Variants in CDC14B observed in about 807,000 individuals in gnomAD.
CDC14B encodes the protein cell division cycle 14B.
In CDC14B, 22 loss-of-function variants were observed where a neutral mutation model predicts 64.2. That is an observed-to-expected ratio of 0.34 (90% confidence interval 0.24 to 0.49). CDC14B has a LOEUF of 0.49. Among genes scored for constraint, CDC14B ranks in the 20% least tolerant of loss-of-function variants. The probability of loss-of-function intolerance (pLI) is 0.99; values close to 1 mark genes in which losing one functional copy is unlikely to be tolerated. For missense variants in CDC14B, 498 were observed against 629.9 expected (o/e 0.79, Z 2.24); for synonymous variants, 191 against 215.8 (o/e 0.89, Z 1.01).
chr9:96,607,606 G>A, intron 1 of CDC14B, among the ~76,000 whole-genome samples: 1 of 151,636 alleles, frequency 6.6e-6, no homozygotes, highest in East Asian at 1.9e-4. Flanking sequence ...TGCATTTTTA[G>A]TAGAGACGGG....
intron 1 of CDC14B, among the ~76,000 whole-genome samples, chr9:96,602,406 A>G (rs1311116835): frequency 6.6e-6 from 1 of 152,132 alleles, no homozygotes; most frequent in Non-Finnish European, 1.5e-5. Flanking sequence ...ATTACCACAT[A>G]TGTTAGTCCG....
At chr9:96,565,327 T>C in intron 2 of CDC14B, 66 bp downstream of exon 2, 1 of 992,936 alleles carries the variant, frequency 1.0e-6, no homozygotes, top group East Asian at 2.4e-5. Flanking sequence ...GGCCATCCCA[T>C]TTATAACCAT....
chr9:96,531,876 T>G (rs1013057462), intron 9 of CDC14B, among the ~76,000 whole-genome samples: 1 of 152,140 alleles, frequency 6.6e-6, no homozygotes, highest in African/African-American at 2.4e-5. Flanking sequence ...AATGGCTGTG[T>G]GTTACTGTCT....
chr9:96,603,188 AC>A (rs1846623606), intron 1 of CDC14B, among the ~76,000 whole-genome samples: 4 of 151,918 alleles, frequency 2.6e-5, no homozygotes, highest in African/African-American at 9.7e-5. Context: ...ACACACACAC[AC>A]ACAAATACAC....
chr9:96,590,016 C>G (rs1472831307), intron 1 of CDC14B, among the ~76,000 whole-genome samples: 2 of 151,776 alleles, frequency 1.3e-5, no homozygotes, highest in East Asian at 3.9e-4. Flanking sequence ...ATAAAAATTA[C>G]CATCTTAGCC....
intron 12 of CDC14B, among the ~76,000 whole-genome samples, chr9:96,520,174 G>A (rs903854332): frequency 6.6e-6 from 1 of 152,084 alleles, no homozygotes; most frequent in East Asian, 1.9e-4. Flanking sequence ...AAATCCCCTC[G>A]GGTCTATACA....
At position 96,515,564 on chromosome 9, in the gene CDC14B, C is replaced by G; in HGVS notation, c.1344-5775G>C. 7.7e-7 allele frequency: 1 copy of G among 1,300,500 alleles called. No homozygotes were observed. The highest frequency in any genetic ancestry group is 1.8e-5 in the South Asian group (1 of 54,140). 80.6% of individuals were successfully genotyped at this position (1,300,500 alleles called of 1,614,324 possible). On this transcript the variant is annotated intron_variant, in intron 12 of 13. Transcript: ENST00000375241. The surrounding 1 kb of genome is among the most constrained non-coding windows in gnomAD (Gnocchi z 4.3). Reference sequence around the variant, plus strand: ...ATAGGCAAACCAACAAAGCTAGGAGCTGACAAGGAGAAAAACATGCATTGT... The same window carrying G: ...ATAGGCAAACCAACAAAGCTAGGAGGTGACAAGGAGAAAAACATGCATTGT...
intron 5 of CDC14B, among the ~76,000 whole-genome samples, chr9:96,548,231 G>C (rs1417679729): frequency 6.6e-6 from 1 of 151,794 alleles, no homozygotes; most frequent in Non-Finnish European, 1.5e-5. Flanking sequence ...CTGATGTCAA[G>C]TCAAGCTATT....
In CDC14B at chr9:96,534,520, T is replaced by C. The variant is rs776423823; in HGVS notation, c.650A>G (p.Asn217Ser). ...AATAAATCGGTCTGGTATTATCCAA[T>C]TTAAATCTCCATTTTCTGCTTTCTG... is the stretch of plus-strand genomic sequence containing the variant. ...HYEKAENGDL[N>S]WIIPDRFIAF... is the part of the protein sequence containing the mutation. The change falls in exon 8 of 14, where the codon AAT (asparagine) becomes AGT (serine). Residue 217 changes from asparagine to serine, a missense_variant. Asn to Ser is a conservative substitution (Grantham distance 46, BLOSUM62 1). Coordinates refer to ENST00000375241, the MANE Select transcript of CDC14B (RefSeq NM_033331.4). 1 of 1,613,314 alleles carries C rather than the reference T, an allele frequency of 6.2e-7. No homozygotes were observed. The highest frequency in any genetic ancestry group is 1.7e-5 in the Admixed American group (1 of 59,972).
At chr9:96,516,756 G>A (rs140403899) in intron 12 of CDC14B, among the ~76,000 whole-genome samples, 65 of 152,084 alleles carry the variant, frequency 4.3e-4, no homozygotes, top group Middle Eastern at 3.4e-3. Context: ...GATTATAGGC[G>A]TGAGCCATCG....
At chr9:96,594,545 C>T (rs1456397959) in intron 1 of CDC14B, among the ~76,000 whole-genome samples, 1 of 151,726 alleles carries the variant, frequency 6.6e-6, no homozygotes, top group African/African-American at 2.4e-5. Flanking sequence ...GTCAAAATCC[C>T]CTCTTTACTG....
chr9:96,580,115 T>A (rs942934757), intron 1 of CDC14B, among the ~76,000 whole-genome samples: 1 of 152,072 alleles, frequency 6.6e-6, no homozygotes, highest in Non-Finnish European at 1.5e-5. Flanking sequence ...TTGGCCTAAT[T>A]AGTAATTAGA....
At chr9:96,493,299 G>C (rs982493038) in intron 13 of CDC14B, 2 of 152,468 alleles carry the variant, frequency 1.3e-5, no homozygotes, top group Middle Eastern at 3.1e-3. Context: ...GGCTGCTGCT[G>C]TCTCCTCTCA....
intron 1 of CDC14B, among the ~76,000 whole-genome samples, chr9:96,587,214 G>A (rs1845498575): frequency 6.6e-6 from 1 of 152,012 alleles, no homozygotes; most frequent in East Asian, 1.9e-4. Flanking sequence ...CAGTGACTAG[G>A]CCAAGCTCTC....
intron 13 of CDC14B, among the ~76,000 whole-genome samples, chr9:96,504,364 G>A (rs1833846817): frequency 6.6e-6 from 1 of 151,988 alleles, no homozygotes; most frequent in Admixed American, 6.6e-5. Flanking sequence ...AGTTCACGAC[G>A]CTACACTTTC....
chr9:96,614,797 T>C (rs1847523260), intron 1 of CDC14B, among the ~76,000 whole-genome samples: 1 of 152,182 alleles, frequency 6.6e-6, no homozygotes, highest in Non-Finnish European at 1.5e-5. Flanking sequence ...TTCTGATCTG[T>C]ACCCAGCATC....
intron 1 of CDC14B, among the ~76,000 whole-genome samples, chr9:96,594,740 C>G (rs868545393): frequency 2.1e-5 from 3 of 139,770 alleles, no homozygotes; most frequent in Middle Eastern, 3.5e-3. Context: ...AAAAAAAAAG[C>G]CCAGGAGAGA....
At chr9:96,561,593 C>T (rs1011788515) in intron 4 of CDC14B, among the ~76,000 whole-genome samples, 1 of 152,142 alleles carries the variant, frequency 6.6e-6, no homozygotes, top group Non-Finnish European at 1.5e-5. Context: ...GTTCTCTTCC[C>T]TCAGCCTCCC....
intron 12 of CDC14B, among the ~76,000 whole-genome samples, chr9:96,513,535 AG>A (rs1835201526): frequency 6.6e-6 from 1 of 152,202 alleles, no homozygotes; most frequent in Non-Finnish European, 1.5e-5. Flanking sequence ...CCTATATTCC[AG>A]TTCACCTTCT....
Sources: gnomAD v4.1 joint callset for allele counts (sites outside exome capture counted in the v4.1 genomes callset) on GRCh38, gnomAD v4.1.1 for gene constraint, Gnocchi (gnomAD v3.1) non-coding constraint, MANE v1.5 for transcripts, NCBI Gene and HGNC (gene_info 2026-07-23, HGNC 2026-07-21) for gene names.